The following GTF2H1 variants were observed in gnomAD, a reference collection of about 807,000 sequenced individuals.
GTF2H1 encodes the protein general transcription factor IIH subunit 1, also known as BTF2 p62.
In GTF2H1, 16 loss-of-function variants were observed where a neutral mutation model predicts 71.2. That is an observed-to-expected ratio of 0.22 (90% CI 0.15 to 0.34). GTF2H1 has a LOEUF of 0.34. GTF2H1 is among the 10% of genes least tolerant of loss of function. The pLI is 1.00. For synonymous variants in GTF2H1, 215 were observed against 219.0 expected, an observed-to-expected ratio of 0.98 and a Z score of 0.16; for missense variants, 498 against 648.2, an observed-to-expected ratio of 0.77 and a Z score of 2.52.
In GTF2H1 at chr11:18,326,621, T is replaced by G. The variant is rs946578859; in HGVS notation, c.-16+3881T>G. Among the ~76,000 whole-genome samples the G allele has an allele frequency of 2.0e-5, 3 of 152,198 alleles. No individual in the cohort carries two copies. In the East Asian group the frequency reaches 5.8e-4, roughly 29 times the overall value. Reference sequence around the variant, plus strand: ...TTCTGTCTTCATGCATTTTTTTACCTTCTCAACTCATAAAGGTCTTTGTAT... The same window carrying G: ...TTCTGTCTTCATGCATTTTTTTACCGTCTCAACTCATAAAGGTCTTTGTAT... On this transcript the variant is annotated intron_variant, in intron 1 of 14. Coordinates refer to ENST00000265963, the MANE Select transcript of GTF2H1 (RefSeq NM_005316.4).
intron 14 of GTF2H1, 193 bp downstream of exon 14, chr11:18,360,900 G>C (rs999796330): frequency 4.5e-6 from 2 of 445,892 alleles, no homozygotes; most frequent in Non-Finnish European, 7.8e-6. Flanking sequence ...CTACCTCCTG[G>C]GTTCAAGCGA....
At chr11:18,339,224 G>C (rs1317028423) in intron 4 of GTF2H1, among the ~76,000 whole-genome samples, 1 of 152,148 alleles carries the variant, frequency 6.6e-6, no homozygotes, top group Non-Finnish European at 1.5e-5. Context: ...GTCAGTTAAT[G>C]TTAATTTAAT....
chr11:18,342,252 C>CTTTTTTTTTTTTTTT (rs71047585), intron 7 of GTF2H1, among the ~76,000 whole-genome samples: 1 of 72,720 alleles, frequency 1.4e-5, no homozygotes, highest in African/African-American at 5.1e-5. Flanking sequence ...TTTTCTGTCT[C>CTTTTTTTTTTTTTTT]TTTTTTTTTT....
chr11:18,348,021 C>A (rs759023225), intron 9 of GTF2H1, 102 bp downstream of exon 9: 18 of 801,198 alleles, frequency 2.2e-5, no homozygotes, highest in African/African-American at 3.4e-5. Context: ...CTCAGTTCTT[C>A]TAACTAAGAT....
chr11:18,352,407 T>C lies in GTF2H1; in HGVS notation c.1221T>C (p.Ile407=), dbSNP rs1355606277. ...SQDIINSFQS[I]RQEMEAYTPK... ...ACATTATTAATTCTTTTCAAAGTAT[T>C]AGACAAGAAATGGAAGCTTATACAC... The change falls in exon 11 of 15, where the codon ATT becomes ATC. Residue 407 remains isoleucine (I), a synonymous_variant. Transcript: ENST00000265963. 6.4e-7 allele frequency: 1 copy of C among 1,566,800 alleles called. No individual in the cohort carries two copies. Among genetic ancestry groups the C allele is most frequent in the Admixed American group, 1.7e-5 (1 of 59,816 alleles).
chr11:18,329,264 C>CT (rs1349134215), intron 1 of GTF2H1, among the ~76,000 whole-genome samples: 1 of 152,194 alleles, frequency 6.6e-6, no homozygotes, highest in African/African-American at 2.4e-5. Context: ...ATAATGCAGA[C>CT]TATCTCCACC....
intron 1 of GTF2H1, among the ~76,000 whole-genome samples, chr11:18,331,160 GA>G (rs1864886083): frequency 6.6e-6 from 1 of 152,042 alleles, no homozygotes; most frequent in Non-Finnish European, 1.5e-5. Context: ...CGATTCTCCT[GA>G]TTCTCCCGCT....
intron 14 of GTF2H1, among the ~76,000 whole-genome samples, chr11:18,364,054 CAA>C (rs1467308747): frequency 6.6e-6 from 1 of 151,200 alleles, no homozygotes; most frequent in Non-Finnish European, 1.5e-5. Flanking sequence ...GCCTAGGCAA[CAA>C]GAGTGAAACT....
rs533712771 is a variant in GTF2H1, at chr11:18,352,133, A to C, written c.1142+164A>C. 13 of 624,360 alleles carry C rather than the reference A, an allele frequency of 2.1e-5. No individual in the cohort carries two copies. In the South Asian group the frequency reaches 2.8e-4, roughly 13 times the overall value. 38.7% of individuals were successfully genotyped at this position (624,360 alleles called of 1,614,324 possible). A position where few individuals can be genotyped will look rare whatever the true frequency, so the allele number is the denominator to read the frequency against. Reference sequence around the variant, plus strand: ...TCAGGAAGCAAAAATGATCAAACCCATGACAATAAATGTGGATCTTTCTGC... The same window carrying C: ...TCAGGAAGCAAAAATGATCAAACCCCTGACAATAAATGTGGATCTTTCTGC... On this transcript the variant is annotated intron_variant, in intron 10 of 14. Coordinates refer to ENST00000265963, the MANE Select transcript of GTF2H1 (RefSeq NM_005316.4).
In GTF2H1 at chr11:18,366,854, G is replaced by A. The variant is rs1445087249; in HGVS notation, c.*985G>A. 2.8e-5 allele frequency: 4 copies of A among 144,436 alleles called. No homozygotes were observed. The highest frequency in any genetic ancestry group is 4.1e-4 in the East Asian group (2 of 4,906). 8.9% of individuals were successfully genotyped at this position (144,436 alleles called of 1,614,324 possible). ...GTATTTGACTGTTACTGTCCTTGGC[G>A]AATCGATAATCATTGCATAGTGACT... On this transcript the variant is annotated 3_prime_UTR_variant, in exon 15 of 15. Coordinates refer to ENST00000265963, the MANE Select transcript of GTF2H1 (RefSeq NM_005316.4).
intron 11 of GTF2H1, among the ~76,000 whole-genome samples, chr11:18,357,483 G>A (rs1282550173): frequency 6.6e-6 from 1 of 152,180 alleles, no homozygotes; most frequent in Non-Finnish European, 1.5e-5. Context: ...TCAGGAGGCT[G>A]AGGGAGGAGG....
rs1416682768 is a variant in GTF2H1, at chr11:18,338,220, T to C, written c.459T>C (p.Asp153=). The C allele has an allele frequency of 6.2e-7, 1 of 1,609,766 alleles. No homozygotes were observed. Among genetic ancestry groups the C allele is most frequent in the South Asian group, 1.1e-5 (1 of 90,994 alleles). ...WANRLNVNAT[D]SSSTSNHKQD... is the part of the protein sequence containing the mutation. ...ATCGTTTAAATGTGAATGCAACAGA[T>C]AGTTCTTCCACATCCAATCATAAGC... Residue 153 remains aspartate (D), a synonymous_variant, in exon 4 of 15, where the codon GAT becomes GAC. Transcript: ENST00000265963.
rs4150570 is a variant in GTF2H1 at position 18,334,337 on chromosome 11, G to A, written c.154+1109G>A. Among the ~76,000 whole-genome samples the A allele has an allele frequency of 5.9e-5, 9 of 152,260 alleles. No individual in the cohort carries two copies. The South Asian group carries it at 1.0e-3, about 18-fold the overall frequency. ...GGAGCTTGCAGTGAGCCAAGATCGC[G>A]CCACTGCACTCCAGTCTGGGTGCGA... On this transcript the variant is annotated intron_variant, in intron 2 of 14. Transcript: ENST00000265963.
intron 11 of GTF2H1, among the ~76,000 whole-genome samples, chr11:18,355,651 C>T (rs935780812): frequency 1.5e-4 from 23 of 151,970 alleles, no homozygotes; most frequent in African/African-American, 5.1e-4. Flanking sequence ...GTAGCTGGGA[C>T]TCCAGGCATG....
At chr11:18,354,110 A>C (rs2133983249) in intron 11 of GTF2H1, among the ~76,000 whole-genome samples, 1 of 152,346 alleles carries the variant, frequency 6.6e-6, no homozygotes, top group East Asian at 1.9e-4. Flanking sequence ...ACATTGAAAG[A>C]GTACTGGGCA....
intron 7 of GTF2H1, among the ~76,000 whole-genome samples, chr11:18,342,113 A>G (rs983222685): frequency 6.6e-5 from 10 of 152,144 alleles, no homozygotes; most frequent in Non-Finnish European, 1.5e-4. Context: ...CTACTTGCAG[A>G]GAAAGAGATG....
At chr11:18,331,298 C>T (rs943996427) in intron 1 of GTF2H1, among the ~76,000 whole-genome samples, 11 of 152,128 alleles carry the variant, frequency 7.2e-5, no homozygotes, top group African/African-American at 2.2e-4. Context: ...TCAAGTGATC[C>T]ACCTGCCACA....
chr11:18,328,710 C>T (rs1474895737), intron 1 of GTF2H1, among the ~76,000 whole-genome samples: 5 of 150,168 alleles, frequency 3.3e-5, no homozygotes, highest in Admixed American at 6.6e-5. Flanking sequence ...CCTGTAGTCC[C>T]GGCTACTCTG....
chr11:18,347,737 G>T (rs752821988), intron 8 of GTF2H1, 22 bp downstream of exon 8: 12 of 1,609,394 alleles, frequency 7.5e-6, no homozygotes, highest in Non-Finnish European at 9.3e-6. Flanking sequence ...ATGCAGAGGT[G>T]CAGTAACTGG....
Sources: gnomAD v4.1 joint callset for allele counts (sites outside exome capture counted in the v4.1 genomes callset) on GRCh38, gnomAD v4.1.1 for gene constraint, MANE v1.5 for transcripts, NCBI Gene and HGNC (gene_info 2026-07-23, HGNC 2026-07-21) for gene names.